ANKRD26: variants seen among roughly 807,000 people sequenced by gnomAD.
The protein encoded by ANKRD26 is ankyrin repeat domain 26, also known as ankyrin repeat domain-containing protein 26.
Under a neutral mutation model 208.7 loss-of-function variants are expected in ANKRD26, and 141 were observed. The ratio of observed to expected loss-of-function variants is 0.68; its 90% CI spans 0.59 to 0.78. ANKRD26 has a LOEUF of 0.78. Among genes scored for constraint, ANKRD26 ranks in the 30% least tolerant of loss-of-function variants. The pLI is 0.00. For synonymous variants in ANKRD26, 636 were observed against 660.4 expected (o/e 0.96, Z 0.57); for missense variants, 1,889 against 1,938.7 (o/e 0.97, Z 0.48).
Position 27,077,478 on chromosome 10 carries a change from C to A in ANKRD26, c.937G>T (p.Asp313Tyr), listed in dbSNP as rs61730102. The A allele has an allele frequency of 4.8e-4, 771 of 1,613,936 alleles. 6 individuals are homozygous for A. In the African/African-American group the frequency reaches 9.1e-3, roughly 19 times the overall value. Residue 313 changes from aspartate (D) to tyrosine (Y), a missense_variant, in exon 9 of 34, where the codon GAT (aspartate) becomes TAT (tyrosine). Transcript: ENST00000376087. ...NRTLFEDRDS[D>Y]SQDEVVVESL... The stretch of plus-strand genomic sequence containing the variant: ...TCAACCACAACTTCATCTTGACTAT[C>A]GGAATCTCTATCCTCAAACAAAGTT...
intron 15 of ANKRD26, among the ~76,000 whole-genome samples, chr10:27,058,375 C>A (rs1181545611): frequency 6.6e-6 from 1 of 152,156 alleles, no homozygotes; most frequent in Non-Finnish European, 1.5e-5. Context: ...TTTTTCGAAG[C>A]TAGGATGTAT....
intron 16 of ANKRD26, chr10:27,051,004 G>C (rs1448235937): frequency 5.2e-6 from 6 of 1,156,536 alleles, no homozygotes; most frequent in African/African-American, 1.6e-5. Context: ...AAATCAGAAT[G>C]GATCAAATAA....
At chr10:26,972,041 C>T (rs1260195815), downstream of ANKRD26, among the ~76,000 whole-genome samples, 4 of 152,024 alleles carry the variant, frequency 2.6e-5, no homozygotes, top group Middle Eastern at 3.4e-3. Flanking sequence ...CGAGACCATC[C>T]TGGCTAACAC....
chr10:27,038,146 C>T, intron 21 of ANKRD26, 92 bp from the exon 22 acceptor site: 1 of 986,884 alleles, frequency 1.0e-6, no homozygotes, highest in Non-Finnish European at 1.5e-6. Context: ...GGTTTATTAC[C>T]CTAATACAAT....
At chr10:27,022,312 G>C (rs952589408) in intron 29 of ANKRD26, among the ~76,000 whole-genome samples, 1 of 152,096 alleles carries the variant, frequency 6.6e-6, no homozygotes, top group Non-Finnish European at 1.5e-5. Flanking sequence ...AATAACTAAT[G>C]AGCACTAGGC....
At chr10:27,007,418 C>T (rs2052926810) in intron 32 of ANKRD26, among the ~76,000 whole-genome samples, 3 of 152,172 alleles carry the variant, frequency 2.0e-5, no homozygotes, top group Non-Finnish European at 4.4e-5. Flanking sequence ...CTTTGGGAGG[C>T]CAAGACAGGC....
rs181494489 is a variant in ANKRD26, at chr10:27,092,413, A to G, written c.631T>C (p.Leu211=). 6.2e-7 allele frequency: 1 copy of G among 1,607,332 alleles called. No individual in the cohort carries two copies. The highest frequency in any genetic ancestry group is 1.3e-5 in the African/African-American group (1 of 74,876). ...KKANVNAVDK[L]ESSHQLISEY... ...CAAAACCAGCTACTGTACCTTTCCA[A>G]CTTATCTACTGCATTTACATTTGCT... Residue 211 remains leucine, a synonymous_variant, in exon 4 of 34, where the codon TTG becomes CTG. Transcript: ENST00000376087.
chr10:27,035,310 T>C lies in ANKRD26; in HGVS notation c.3140A>G (p.Lys1047Arg), dbSNP rs1480582714. 1 of 1,613,910 alleles carries C rather than the reference T, an allele frequency of 6.2e-7. No individual in the cohort carries two copies. The highest frequency in any genetic ancestry group is 8.5e-7 in the Non-Finnish European group (1 of 1,179,896). ...ARDECSRLQD[K>R]MNFDVSNLKD... is the part of the protein sequence containing the mutation. ...TAGGTTAGACACATCAAAATTCATT[T>C]TGTCCTGTAAACGAGAACATTCATC... The change falls in exon 24 of 34, where the codon AAA becomes AGA. Residue 1047 changes from lysine (K) to arginine (R), a missense_variant. Physicochemically the swap from Lys to Arg is conservative, Grantham distance 26 (BLOSUM62 2). Coordinates refer to ENST00000376087, the MANE Select transcript of ANKRD26 (RefSeq NM_014915.3).
downstream of ANKRD26, among the ~76,000 whole-genome samples, chr10:26,972,095 C>A (rs562972517): frequency 1.4e-4 from 22 of 151,946 alleles, no homozygotes; most frequent in African/African-American, 4.8e-4. Flanking sequence ...ATTAGCCAGG[C>A]GTGGTGGCGG....
chr10:27,073,284 G>T (rs1329152774), intron 9 of ANKRD26, among the ~76,000 whole-genome samples: 1 of 152,180 alleles, frequency 6.6e-6, no homozygotes, highest in Non-Finnish European at 1.5e-5. Flanking sequence ...GCCCACCACT[G>T]CAGACACAGC....
the ANKRD26 span, among the ~76,000 whole-genome samples, chr10:26,965,199 G>C: frequency 1.3e-5 from 2 of 152,112 alleles, no homozygotes; most frequent in Non-Finnish European, 2.9e-5. Flanking sequence ...AAAGAACAAA[G>C]CTGGAGGCAT....
At position 27,093,362 on chromosome 10, in the gene ANKRD26, T is replaced by A. The variant is rs778907801; in HGVS notation, c.518A>T (p.Glu173Val). Reference protein sequence around the residue: ...TKLLLYDANIEAKNKDDLTPL... With the variant: ...TKLLLYDANIVAKNKDDLTPL... ...GTTGATCTATACCTTGTTTTTTGCT[T>A]CAATATTTGCATCATACAAAAGCAG... The change falls in exon 3 of 34, where the codon GAA (glutamate) becomes GTA (valine). Residue 173 changes from glutamate to valine, a missense_variant. Transcript: ENST00000376087. 3.7e-6 allele frequency: 6 copies of A among 1,614,020 alleles called. No individual in the cohort carries two copies. In the South Asian group the frequency reaches 6.6e-5, roughly 18 times the overall value.
chr10:27,081,030 GA>G, intron 6 of ANKRD26: 1 of 837,322 alleles, frequency 1.2e-6, no homozygotes, highest in Non-Finnish European at 1.4e-6. Flanking sequence ...CAAAGCCACC[GA>G]TAAGTTGAGG....
the ANKRD26 span, among the ~76,000 whole-genome samples, chr10:26,959,349 G>T: frequency 6.6e-6 from 1 of 151,816 alleles, no homozygotes; most frequent in African/African-American, 2.4e-5. Context: ...GAAAGTGGAG[G>T]TTATATACTC....
intron 29 of ANKRD26, among the ~76,000 whole-genome samples, chr10:27,018,260 C>T (rs1047812402): frequency 9.3e-5 from 14 of 151,260 alleles, no homozygotes; most frequent in African/African-American, 3.4e-4. Context: ...TCAGCCTCCT[C>T]AGTAGCTGGG....
At chr10:26,955,902 G>A in the ANKRD26 span, among the ~76,000 whole-genome samples, 3 of 152,116 alleles carry the variant, frequency 2.0e-5, no homozygotes, top group East Asian at 1.9e-4. Context: ...TCAAGAGTAC[G>A]TCTTGTAGCA....
At chr10:26,957,787 T>C in the ANKRD26 span, among the ~76,000 whole-genome samples, 5 of 152,160 alleles carry the variant, frequency 3.3e-5, no homozygotes, top group Non-Finnish European at 7.4e-5. Flanking sequence ...TTAGGAAATA[T>C]ATGAAAAGTG....
chr10:27,066,745 A>G (rs1475776921), intron 10 of ANKRD26, among the ~76,000 whole-genome samples, 197 bp from the exon 11 acceptor site: 1 of 152,218 alleles, frequency 6.6e-6, no homozygotes, highest in Non-Finnish European at 1.5e-5. Context: ...ACAGCAAAAG[A>G]AAAATATTTT....
At chr10:27,026,186 G>A (rs1379524086) in intron 27 of ANKRD26, among the ~76,000 whole-genome samples, 1 of 152,108 alleles carries the variant, frequency 6.6e-6, no homozygotes, top group African/African-American at 2.4e-5. Flanking sequence ...GTTGAAAGCG[G>A]TCTCTATTAA....
Sources: gnomAD v4.1 joint callset for allele counts (sites outside exome capture counted in the v4.1 genomes callset) on GRCh38, gnomAD v4.1.1 for gene constraint, MANE v1.5 for transcripts, NCBI Gene and HGNC (gene_info 2026-07-23, HGNC 2026-07-21) for gene names.